The following ZAN variants were observed in gnomAD, a reference collection of about 807,000 sequenced individuals.
ZAN encodes zonadhesin (gene/pseudogene).
In ZAN, 260 loss-of-function variants were observed where a neutral mutation model predicts 286.2. That is an observed-to-expected ratio of 0.91 (90% CI 0.82 to 1.01). The LOEUF (loss-of-function observed/expected upper bound fraction) is 1.01, where lower values mean the gene tolerates loss of function less well. Among genes scored for constraint, ZAN ranks in the 50% least tolerant of loss-of-function variants. ZAN has a pLI of 0.00. For synonymous variants in ZAN, 1,368 were observed against 1,417.5 expected, an observed-to-expected ratio of 0.97 and a Z score of 0.79; for missense variants, 3,410 against 3,639.2, an observed-to-expected ratio of 0.94 and a Z score of 1.62.
At chr7:100,776,682 C>T in intron 34 of ZAN, 118 bp downstream of exon 34, 3 of 570,538 alleles carry the variant, frequency 5.3e-6, no homozygotes, top group African/African-American at 2.3e-5. Flanking sequence ...TCCTTTCTTC[C>T]TTTCTCTCTT....
intron 15 of ZAN, among the ~76,000 whole-genome samples, chr7:100,756,555 C>G (rs996685638): frequency 6.6e-6 from 1 of 152,114 alleles, no homozygotes; most frequent in African/African-American, 2.4e-5. Context: ...ATTTCTTTCC[C>G]CTGCCTCCTT....
At chr7:100,742,187 C>CG (rs949034748) in intron 7 of ZAN, among the ~76,000 whole-genome samples, 1 of 102,186 alleles carries the variant, frequency 9.8e-6, no homozygotes, top group Admixed American at 9.1e-5. Context: ...ACCTCCCAGA[C>CG]GGGGTCTCGG....
At chr7:100,750,533 G>C (rs1808579716) in intron 11 of ZAN, 92 bp from the exon 12 acceptor site, 1 of 1,441,118 alleles carries the variant, frequency 6.9e-7, no homozygotes, top group African/African-American at 1.4e-5. Context: ...TGTTTGCTCA[G>C]ATTCCCGTTC....
chr7:100,780,904 A>G (rs1320638211), intron 35 of ZAN, among the ~76,000 whole-genome samples: 1 of 152,048 alleles, frequency 6.6e-6, no homozygotes, highest in African/African-American at 2.4e-5. Context: ...AACCTGGGCA[A>G]TATAATGAGA....
chr7:100,773,953 TG>T, intron 31 of ZAN, 88 bp downstream of exon 31: 2 of 1,497,824 alleles, frequency 1.3e-6, no homozygotes, highest in African/African-American at 2.8e-5. Context: ...CCTGTAGCAC[TG>T]GGTTTCAGGT....
In ZAN at chr7:100,773,702, T is replaced by G; in HGVS notation, c.5635-19T>G. 6.2e-7 allele frequency: 1 copy of G among 1,603,456 alleles called. No individual in the cohort carries two copies. Among genetic ancestry groups the G allele is most frequent in the South Asian group, 1.1e-5 (1 of 89,172 alleles). On this transcript the variant is annotated intron_variant, in intron 30 of 47. Coordinates refer to ENST00000613979, the MANE Select transcript of ZAN (RefSeq NM_003386.3). ...AATTCCAACTTTCTGTTGGCTCAGCTGATCCCTGTGGCCCACAGGTCGGGG... is the reference window on the plus strand; with the variant it reads ...AATTCCAACTTTCTGTTGGCTCAGCGGATCCCTGTGGCCCACAGGTCGGGG...
Position 100,760,528 on chromosome 7 carries a change from T to C in ZAN, c.3834T>C (p.Thr1278=), listed in dbSNP as rs1189454290. 1 of 1,613,992 alleles carries C rather than the reference T, an allele frequency of 6.2e-7. No individual in the cohort carries two copies. Among genetic ancestry groups the C allele is most frequent in the South Asian group, 1.1e-5 (1 of 91,084 alleles). Residue 1278 remains threonine, a synonymous_variant, in exon 19 of 48, where the codon ACT becomes ACC. Transcript: ENST00000613979. ...RWDGDQQLYV[T]VSSTYSGKLC... ...ATGGTGACCAGCAGCTGTATGTTAC[T>C]GTGTCCAGGTAAGGCAGTGTCCCAG...
At chr7:100,787,241 C>A (rs1250684713) in intron 37 of ZAN, among the ~76,000 whole-genome samples, 2 of 148,430 alleles carry the variant, frequency 1.3e-5, no homozygotes, top group Non-Finnish European at 3.0e-5. Flanking sequence ...CCAGCCTGGG[C>A]AATGTAGTGT....
chr7:100,783,586 T>C lies in ZAN; in HGVS notation c.6623-1037T>C, dbSNP rs1811328990. On this transcript the variant is annotated intron_variant, in intron 35 of 47. Transcript: ENST00000613979. ...CCATCTCTACTAAAAATACAAAAAT[T>C]AGCCAGGCATGGTGGCACATGCCTG... 2.7e-5 allele frequency among the ~76,000 whole-genome samples: 4 copies of C among 147,822 alleles called. No individual in the cohort carries two copies. In the Admixed American group the frequency reaches 2.7e-4, roughly 10 times the overall value.
chr7:100,781,829 G>A (rs1342639865), intron 35 of ZAN, among the ~76,000 whole-genome samples: 1 of 151,670 alleles, frequency 6.6e-6, no homozygotes, highest in Admixed American at 6.6e-5. Context: ...TAGTAGAGAC[G>A]GGGTTTCACC....
rs1396264472 is a variant in ZAN at position 100,792,484 on chromosome 7, G to A, written c.7787+5G>A. On this transcript the variant is annotated splice_donor_5th_base_variant and intron_variant, in intron 42 of 47. Transcript: ENST00000613979. ...GCGTTGCCAGGTCCTCAGTGGGTAC[G>A]CCATCCTCTGCCAGGAGGCGGGCGC... 10 of 1,613,760 alleles carry A rather than the reference G, an allele frequency of 6.2e-6. No homozygotes were observed. Among genetic ancestry groups the A allele is most frequent in the Middle Eastern group, 1.7e-4 (1 of 6,060 alleles).
intron 40 of ZAN, 44 bp from the exon 41 acceptor site, chr7:100,791,922 C>A (rs753515334): frequency 1.3e-6 from 2 of 1,557,848 alleles, no homozygotes; most frequent in African/African-American, 2.7e-5. Flanking sequence ...CCCACTTCAC[C>A]TTCCTTGGGG....
intron 45 of ZAN, 95 bp downstream of exon 45, chr7:100,795,431 GA>G: frequency 1.7e-6 from 2 of 1,184,522 alleles, no homozygotes; most frequent in Non-Finnish European, 1.1e-6. Flanking sequence ...CATATAGAAT[GA>G]TATGTATTAT....
chr7:100,779,396 G>C, intron 34 of ZAN, 50 bp from the exon 35 acceptor site: 1 of 1,517,766 alleles, frequency 6.6e-7, no homozygotes, highest in Non-Finnish European at 8.8e-7. Context: ...AAAATTTTGT[G>C]TCATAGTAGG....
chr7:100,751,572 G>A (rs759243483), intron 13 of ZAN, 140 bp from the exon 14 acceptor site: 160 of 904,354 alleles, frequency 1.8e-4, no homozygotes, highest in Middle Eastern at 1.4e-3. Flanking sequence ...TGTTCGTTGA[G>A]TGGATGAAGG....
rs781398358 is a variant in ZAN at position 100,790,929 on chromosome 7, C to T, written c.7358-13C>T. The T allele has an allele frequency of 3.1e-6, 5 of 1,596,588 alleles. No homozygotes were observed. In the Admixed American group the frequency reaches 5.3e-5, roughly 17 times the overall value. On this transcript the variant is annotated splice_polypyrimidine_tract_variant and intron_variant, in intron 39 of 47. Transcript: ENST00000613979. ...GAGGAGTCTCACTTCTGGGGACCCC[C>T]TTCCTCCCGCAGTGATCTCCCTACC...
intron 34 of ZAN, among the ~76,000 whole-genome samples, chr7:100,777,735 AATGTT>A (rs1810916747): frequency 6.6e-6 from 1 of 151,788 alleles, no homozygotes; most frequent in Admixed American, 6.6e-5. Flanking sequence ...GGAAGACCAG[AATGTT>A]CCTTTTTTCT....
At chr7:100,767,806 T>C (rs1275607425) in intron 25 of ZAN, 25 bp from the exon 26 acceptor site, 5 of 1,601,464 alleles carry the variant, frequency 3.1e-6, no homozygotes, top group African/African-American at 1.3e-5. Flanking sequence ...TGACTCTCCT[T>C]TCTACGTCCT....
In ZAN at chr7:100,773,774, C is replaced by CAGA. The variant is rs1562944382; in HGVS notation, c.5688_5689insAGA (p.Ser1896_Val1897insArg). On this transcript the variant is annotated inframe_insertion, in exon 31 of 48. Coordinates refer to ENST00000613979, the MANE Select transcript of ZAN (RefSeq NM_003386.3). ...CCTGCACCAGGCTCTGCACCTGCTC[C>CAGA]GTCCACAACAACATCACCTGCTTCC... 1 of 1,612,038 alleles carries CAGA rather than the reference C, an allele frequency of 6.2e-7. No individual in the cohort carries two copies. The highest frequency in any genetic ancestry group is 1.3e-5 in the African/African-American group (1 of 74,892).
Sources: allele counts gnomAD v4.1 joint callset (sites outside exome capture counted in the v4.1 genomes callset), GRCh38; gene constraint gnomAD v4.1.1; transcripts MANE v1.5; gene names NCBI Gene and HGNC (gene_info 2026-07-23, HGNC 2026-07-21).